The following GRAMD1C variants were observed in gnomAD, a reference collection of about 807,000 sequenced individuals.
GRAMD1C encodes GRAM domain containing 1C.
In GRAMD1C, 89 loss-of-function variants were observed where a neutral mutation model predicts 97.8. That is an observed-to-expected ratio of 0.91 (90% CI 0.77 to 1.09). The LOEUF (loss-of-function observed/expected upper bound fraction) is 1.09, where lower values mean the gene tolerates loss of function less well. Ranked by LOEUF, GRAMD1C falls within the 50% of genes least tolerant of loss-of-function variation. The pLI, the probability that GRAMD1C is intolerant of heterozygous loss-of-function variation, is 0.00. For missense variants in GRAMD1C, 740 were observed against 766.4 expected (o/e 0.97, Z 0.41); for synonymous variants, 256 against 267.0 (o/e 0.96, Z 0.40).
chr3:113,919,592 A>G, intron 10 of GRAMD1C: 1 of 586,290 alleles, frequency 1.7e-6, no homozygotes, highest in South Asian at 1.5e-5. Flanking sequence ...CATCGGTGCC[A>G]GTGTTCACTT....
intron 1 of GRAMD1C, among the ~76,000 whole-genome samples, chr3:113,844,013 C>T (rs777924732): frequency 1.3e-5 from 2 of 152,178 alleles, no homozygotes; most frequent in Non-Finnish European, 2.9e-5. Context: ...ATTTATTGTT[C>T]CTCTAGCAGA....
At chr3:113,888,913 AATGT>A (rs1935612352) in intron 6 of GRAMD1C, among the ~76,000 whole-genome samples, 1 of 152,232 alleles carries the variant, frequency 6.6e-6, no homozygotes, top group South Asian at 2.1e-4. Flanking sequence ...GTATAAATAA[AATGT>A]ATGACCTGGT....
intron 2 of GRAMD1C, among the ~76,000 whole-genome samples, chr3:113,845,603 G>T (rs1933573489): frequency 6.6e-6 from 1 of 152,164 alleles, no homozygotes; most frequent in African/African-American, 2.4e-5. Flanking sequence ...TACTCAGGAG[G>T]CTGAGGTGGG....
At chr3:113,862,530 C>T (rs1388183664) in intron 2 of GRAMD1C, among the ~76,000 whole-genome samples, 1 of 152,124 alleles carries the variant, frequency 6.6e-6, no homozygotes, top group Admixed American at 6.5e-5. Flanking sequence ...TCAAGGCGCC[C>T]AGATTTCATA....
upstream of GRAMD1C, chr3:113,838,778 G>C (rs907405369): frequency 3.3e-5 from 17 of 522,852 alleles, no homozygotes; most frequent in Non-Finnish European, 4.1e-5. Flanking sequence ...AAGGAGCTGC[G>C]GCTGGAAGTA....
chr3:113,886,624 GA>G (rs201444339), intron 6 of GRAMD1C, among the ~76,000 whole-genome samples: 5 of 143,856 alleles, frequency 3.5e-5, no homozygotes, highest in South Asian at 2.2e-4. Context: ...TTATAACTTT[GA>G]AAAAAAAATA....
At chr3:113,935,120 C>T (rs756820891) in intron 13 of GRAMD1C, among the ~76,000 whole-genome samples, 5 of 152,138 alleles carry the variant, frequency 3.3e-5, no homozygotes, top group Non-Finnish European at 5.9e-5. Flanking sequence ...GATATTAACT[C>T]ATTTCATACT....
intron 6 of GRAMD1C, chr3:113,891,052 C>T: frequency 3.3e-6 from 1 of 301,162 alleles, no homozygotes; most frequent in Non-Finnish European, 6.1e-6. Context: ...GTAGTTATAC[C>T]TTTTACATCT....
rs187346508 is a variant in GRAMD1C at position 113,942,967 on chromosome 3, A to G, written c.1909-2431A>G. ...CTTTTCCAGGCCTGCTGAGTCATCC[A>G]TCTGCTTTCCAGTTTCCAAAGTTGC... On this transcript the variant is annotated intron_variant, in intron 17 of 17. Coordinates refer to ENST00000358160, the MANE Select transcript of GRAMD1C (RefSeq NM_017577.5). Among the ~76,000 whole-genome samples, 200 of 152,300 alleles carry G rather than the reference A, an allele frequency of 1.3e-3. 2 individuals carry two copies. The highest frequency in any genetic ancestry group is 4.4e-3 in the African/African-American group (183 of 41,548).
intron 17 of GRAMD1C, among the ~76,000 whole-genome samples, chr3:113,944,459 C>CA (rs1158496550): frequency 6.6e-6 from 1 of 152,204 alleles, no homozygotes; most frequent in Non-Finnish European, 1.5e-5. Context: ...CTCATACAGT[C>CA]ACTTGCCTAC....
At chr3:113,829,170 C>A (rs1709526392) in intron 1 of GRAMD1C, among the ~76,000 whole-genome samples, 1 of 152,104 alleles carries the variant, frequency 6.6e-6, no homozygotes, top group Non-Finnish European at 1.5e-5. Flanking sequence ...CATCTGTAAT[C>A]CCAGCACGAG....
At chr3:113,923,531 G>A (rs1937134999) in intron 10 of GRAMD1C, among the ~76,000 whole-genome samples, 1 of 152,076 alleles carries the variant, frequency 6.6e-6, no homozygotes, top group African/African-American at 2.4e-5. Context: ...ATGATCATGT[G>A]GTTTTTGTTT....
intron 3 of GRAMD1C, among the ~76,000 whole-genome samples, chr3:113,874,577 T>G (rs1184254313): frequency 1.3e-5 from 2 of 152,126 alleles, no homozygotes; most frequent in Admixed American, 6.6e-5. Context: ...ACTTCAGAAC[T>G]CAAGTGATCC....
intron 5 of GRAMD1C, among the ~76,000 whole-genome samples, chr3:113,880,719 A>C (rs1385053085): frequency 1.3e-5 from 2 of 152,206 alleles, no homozygotes; most frequent in Admixed American, 1.3e-4. Context: ...TGTTATCTAG[A>C]CACTGCTTTA....
intron 10 of GRAMD1C, among the ~76,000 whole-genome samples, chr3:113,922,903 C>T (rs995914131): frequency 9.2e-5 from 14 of 152,086 alleles, no homozygotes; most frequent in African/African-American, 2.9e-4. Flanking sequence ...CTTCCTATCA[C>T]GAGCATGGAA....
intron 6 of GRAMD1C, chr3:113,885,612 T>G: frequency 1.3e-6 from 2 of 1,518,410 alleles, no homozygotes; most frequent in South Asian, 2.2e-5. Context: ...TTCTGTCCGG[T>G]TTTTTGTACG....
Position 113,838,914 on chromosome 3 carries a change from AG to A in GRAMD1C, c.8del (p.Gly3AlafsTer8), listed in dbSNP as rs1225196444. 8.2e-7 allele frequency: 1 copy of A among 1,221,504 alleles called. No individual in the cohort carries two copies. The highest frequency in any genetic ancestry group is 3.2e-5 in the East Asian group (1 of 31,338). The allele number at this position is 1,221,504 out of a possible 1,614,324, so 75.7% of individuals were successfully genotyped here. On this transcript the variant is annotated frameshift_variant, in exon 1 of 18. Coordinates refer to ENST00000358160, the MANE Select transcript of GRAMD1C (RefSeq NM_017577.5). LOFTEE classifies it high-confidence loss of function. M[E>X]GAPTVRQVMN... ...GCGGCGGCGGAGGGAGCCGCGATGG[AG>A]GGCGCTCCGACTGTCCGTCAGGTAA...
intron 8 of GRAMD1C, among the ~76,000 whole-genome samples, chr3:113,905,220 C>T (rs1451935361): frequency 6.6e-6 from 1 of 152,146 alleles, no homozygotes; most frequent in Admixed American, 6.5e-5. Context: ...AATGGGAGCC[C>T]CTTCAAGTTG....
At chr3:113,851,093 C>T (rs867768769) in intron 2 of GRAMD1C, among the ~76,000 whole-genome samples, 7 of 152,200 alleles carry the variant, frequency 4.6e-5, no homozygotes, top group Non-Finnish European at 1.0e-4. Context: ...TGAGCCACTG[C>T]ACCCGGCCTA....
Sources: gnomAD v4.1 joint callset for allele counts (sites outside exome capture counted in the v4.1 genomes callset) on GRCh38, gnomAD v4.1.1 for gene constraint, MANE v1.5 for transcripts, NCBI Gene and HGNC (gene_info 2026-07-23, HGNC 2026-07-21) for gene names.